The following SULF1 variants were observed in gnomAD, a reference collection of about 807,000 sequenced individuals.
SULF1 encodes sulfatase 1.
In SULF1, 46 loss-of-function variants were observed where a neutral mutation model predicts 110.5. That is an observed-to-expected ratio of 0.42 (90% CI 0.33 to 0.53). The LOEUF (loss-of-function observed/expected upper bound fraction) is 0.53. Ranked by LOEUF, SULF1 falls within the 20% of genes least tolerant of loss-of-function variation. The pLI is 0.12. For synonymous variants in SULF1, 371 were observed against 387.1 expected (o/e 0.96, Z 0.49); for missense variants, 941 against 1,094.2 (o/e 0.86, Z 1.98).
intron 2 of SULF1, among the ~76,000 whole-genome samples, chr8:69,496,598 T>C (rs1810377432): frequency 1.3e-5 from 2 of 152,188 alleles, no homozygotes; most frequent in African/African-American, 4.8e-5. Context: ...AGGAACAAGA[T>C]ATATTTGGGG....
At chr8:69,644,048 G>T (rs1000508461) in intron 22 of SULF1, among the ~76,000 whole-genome samples, 1 of 152,218 alleles carries the variant, frequency 6.6e-6, no homozygotes, top group Non-Finnish European at 1.5e-5. Context: ...TGGCAGGGCT[G>T]CTTCCTGATC....
intron 22 of SULF1, among the ~76,000 whole-genome samples, chr8:69,641,762 T>A (rs1206705066): frequency 1.3e-5 from 2 of 151,354 alleles, no homozygotes; most frequent in African/African-American, 2.4e-5. Flanking sequence ...AATAAATAAA[T>A]AAAAAAATAA....
intron 14 of SULF1, among the ~76,000 whole-genome samples, chr8:69,623,083 G>A (rs1809740201): frequency 6.6e-6 from 1 of 152,202 alleles, no homozygotes; most frequent in African/African-American, 2.4e-5. Context: ...GTACACATGA[G>A]TTCTTGAAAA....
At chr8:69,526,056 T>C (rs868333488) in intron 3 of SULF1, among the ~76,000 whole-genome samples, 1 of 152,130 alleles carries the variant, frequency 6.6e-6, no homozygotes. Context: ...AAGTTAATAA[T>C]GAAAATGTGC....
intron 3 of SULF1, among the ~76,000 whole-genome samples, chr8:69,561,608 G>C (rs147804347): frequency 6.6e-6 from 1 of 152,122 alleles, no homozygotes; most frequent in East Asian, 1.9e-4. Flanking sequence ...TTTGTCTAAC[G>C]CAGTGAGCCT....
intron 22 of SULF1, among the ~76,000 whole-genome samples, chr8:69,653,079 A>T (rs909163390): frequency 6.7e-6 from 1 of 149,382 alleles, no homozygotes. Context: ...TCTTGTTTTT[A>T]TTTTTTTTTT....
intron 13 of SULF1, among the ~76,000 whole-genome samples, chr8:69,607,216 T>A (rs1396194847): frequency 6.6e-6 from 1 of 152,232 alleles, no homozygotes; most frequent in Non-Finnish European, 1.5e-5. Context: ...CCCTAAAGTT[T>A]GAGAAGCACT....
At chr8:69,611,054 G>A (rs148766863) in intron 13 of SULF1, among the ~76,000 whole-genome samples, 1 of 152,244 alleles carries the variant, frequency 6.6e-6, no homozygotes, top group Admixed American at 6.5e-5. Flanking sequence ...TGATCAAGGT[G>A]CTTTGGGATT....
intron 3 of SULF1, among the ~76,000 whole-genome samples, chr8:69,511,459 G>T (rs1811551688): frequency 6.6e-6 from 1 of 152,156 alleles, no homozygotes; most frequent in South Asian, 2.1e-4. Context: ...TTTTACTCTG[G>T]TCTAGCATCT....
chr8:69,552,629 T>C (rs953656117), intron 3 of SULF1, among the ~76,000 whole-genome samples: 1 of 152,206 alleles, frequency 6.6e-6, no homozygotes, highest in Non-Finnish European at 1.5e-5. Context: ...TGGCTTGCTA[T>C]TTGTGTAACT....
rs189709430 is a variant in SULF1, at chr8:69,568,409, G to T, written c.172+4262G>T. Among the ~76,000 whole-genome samples, 31 of 152,224 alleles carry T rather than the reference G, an allele frequency of 2.0e-4. 1 individual carries two copies. Among genetic ancestry groups the T allele is most frequent in the Admixed American group, 1.8e-3 (27 of 15,292 alleles). ...GCAGGAGCCCTTCCCTTCACTTTCA[G>T]GACAAATAAACTATTACTCTGTAAA... is the stretch of plus-strand genomic sequence containing the variant. On this transcript the variant is annotated intron_variant, in intron 5 of 22. Transcript: ENST00000402687.
chr8:69,615,743 C>T (rs907625698), intron 13 of SULF1, among the ~76,000 whole-genome samples: 1 of 152,018 alleles, frequency 6.6e-6, no homozygotes, highest in African/African-American at 2.4e-5. Flanking sequence ...ACACCTTTTC[C>T]CTTCATCTCT....
At chr8:69,606,995 A>T (rs984360519) in intron 13 of SULF1, among the ~76,000 whole-genome samples, 4 of 152,214 alleles carry the variant, frequency 2.6e-5, no homozygotes, top group African/African-American at 9.6e-5. Flanking sequence ...AGAAGTGAAG[A>T]CCTGGAGAGT....
At chr8:69,635,371 A>G (rs759389688) in intron 19 of SULF1, among the ~76,000 whole-genome samples, 2 of 152,254 alleles carry the variant, frequency 1.3e-5, no homozygotes, top group African/African-American at 2.4e-5. Context: ...AGGGATGTCT[A>G]TGGTGAGAGA....
At chr8:69,611,158 A>G (rs535446406) in intron 13 of SULF1, among the ~76,000 whole-genome samples, 6 of 152,354 alleles carry the variant, frequency 3.9e-5, no homozygotes, top group African/African-American at 1.4e-4. Flanking sequence ...AATGGGCATC[A>G]TATAGTTCTT....
chr8:69,510,759 G>T (rs1428394848), intron 3 of SULF1, among the ~76,000 whole-genome samples: 1 of 151,908 alleles, frequency 6.6e-6, no homozygotes. Context: ...TGGGATTACA[G>T]GTGGGCACCA....
intron 19 of SULF1, among the ~76,000 whole-genome samples, chr8:69,630,399 C>T (rs1470750271): frequency 6.6e-6 from 1 of 152,170 alleles, no homozygotes; most frequent in Non-Finnish European, 1.5e-5. Flanking sequence ...CTGAGAAGCT[C>T]ACTGGAGACC....
chr8:69,657,167 C>G (rs148120512), intron 22 of SULF1, among the ~76,000 whole-genome samples: 22 of 152,300 alleles, frequency 1.4e-4, no homozygotes, highest in African/African-American at 5.3e-4. Flanking sequence ...TATACTTCCT[C>G]TTTACCTTTT....
chr8:69,656,991 C>T (rs940485164), intron 22 of SULF1, among the ~76,000 whole-genome samples: 3 of 152,176 alleles, frequency 2.0e-5, no homozygotes, highest in African/African-American at 7.2e-5. Context: ...TCTGTTGTTT[C>T]TTGACATTTT....
Sources: allele counts gnomAD v4.1 joint callset (sites outside exome capture counted in the v4.1 genomes callset), GRCh38; gene constraint gnomAD v4.1.1; transcripts MANE v1.5; gene names NCBI Gene and HGNC (gene_info 2026-07-23, HGNC 2026-07-21).